POLQ: variants seen among roughly 807,000 people sequenced by gnomAD.
The protein encoded by POLQ is DNA polymerase theta.
Under a neutral mutation model 259.2 loss-of-function variants are expected in POLQ, and 233 were observed. The ratio of observed to expected loss-of-function variants is 0.90; its 90% CI spans 0.81 to 1.00. The LOEUF (loss-of-function observed/expected upper bound fraction) is 1.00. POLQ is among the 50% of genes least tolerant of loss of function. POLQ has a pLI of 0.00. For missense variants in POLQ, 2,871 were observed against 3,051.6 expected (o/e 0.94, Z 1.39); for synonymous variants, 1,025 against 1,048.8 (o/e 0.98, Z 0.44).
intron 3 of POLQ, 84 bp from the exon 4 acceptor site, chr3:121,539,673 A>T (rs2108821428): frequency 1.0e-6 from 1 of 985,920 alleles, no homozygotes; most frequent in Non-Finnish European, 1.6e-6. Flanking sequence ...GAACATAGAC[A>T]TAAGTATCTA....
intron 6 of POLQ, 71 bp from the exon 7 acceptor site, chr3:121,529,863 C>A: frequency 8.5e-7 from 1 of 1,183,176 alleles, no homozygotes; most frequent in Non-Finnish European, 1.2e-6. Context: ...TAAAAGCACT[C>A]ATTTTCCTTT....
chr3:121,459,317 T>C (rs1393787293), intron 25 of POLQ, among the ~76,000 whole-genome samples: 1 of 149,680 alleles, frequency 6.7e-6, no homozygotes, highest in Non-Finnish European at 1.5e-5. Flanking sequence ...CTATAAAAGA[T>C]ATAAAAATGA....
At chr3:121,451,938 G>T (rs1320044938) in intron 25 of POLQ, among the ~76,000 whole-genome samples, 3 of 152,254 alleles carry the variant, frequency 2.0e-5, no homozygotes, top group Admixed American at 1.3e-4. Flanking sequence ...GCTCCACCCA[G>T]TTCGAGCTTC....
In POLQ at chr3:121,493,482, T is replaced by C; in HGVS notation, c.2518A>G (p.Lys840Glu). The C allele has an allele frequency of 6.2e-7, 1 of 1,611,674 alleles. No homozygotes were observed. The highest frequency in any genetic ancestry group is 8.5e-7 in the Non-Finnish European group (1 of 1,178,212). Residue 840 changes from lysine (K) to glutamate (E), a missense_variant, in exon 15 of 30, where the codon AAA becomes GAA. This residue lies in a region of POLQ where 2,080 missense variants were observed against 2,126.0 expected (regional missense o/e 0.98). Transcript: ENST00000264233. ...EVILKNAVPF[K>E]SARKAVDEEE... Reference sequence around the variant, plus strand: ...TAGGTAAAGGTATTTTCTTACCTTTTGAAAGGCACAGCATTTTTCAGAATC... The same window carrying C: ...TAGGTAAAGGTATTTTCTTACCTTTCGAAAGGCACAGCATTTTTCAGAATC...
chr3:121,454,627 A>G (rs940528137), intron 25 of POLQ, among the ~76,000 whole-genome samples: 3 of 152,236 alleles, frequency 2.0e-5, no homozygotes, highest in Non-Finnish European at 4.4e-5. Flanking sequence ...AGATCAAAAG[A>G]GACAAAGAAG....
In POLQ at chr3:121,441,636, T is replaced by C. The variant is rs142411930; in HGVS notation, c.7265-1520A>G. Among the ~76,000 whole-genome samples, 229 of 152,344 alleles carry C rather than the reference T, an allele frequency of 1.5e-3. 1 individual carries two copies. Among genetic ancestry groups the C allele is most frequent in the African/African-American group, 5.4e-3 (223 of 41,568 alleles). ...AACAAAATTTGTTTATACATTTTCCTGTTGATAGACATGTGGCCTGTTCTC... is the reference window on the plus strand; with the variant it reads ...AACAAAATTTGTTTATACATTTTCCCGTTGATAGACATGTGGCCTGTTCTC... On this transcript the variant is annotated intron_variant, in intron 26 of 29. Coordinates refer to ENST00000264233, the MANE Select transcript of POLQ (RefSeq NM_199420.4).
At chr3:121,517,160 T>G (rs2048303544) in intron 9 of POLQ, among the ~76,000 whole-genome samples, 1 of 152,214 alleles carries the variant, frequency 6.6e-6, no homozygotes, top group Admixed American at 6.5e-5. Flanking sequence ...AATGGACTTA[T>G]ACTCCATTCC....
intron 12 of POLQ, among the ~76,000 whole-genome samples, chr3:121,500,089 T>C (rs1471275866): frequency 1.3e-5 from 2 of 152,076 alleles, no homozygotes; most frequent in South Asian, 2.1e-4. Context: ...GAGATCAGCA[T>C]GGGCAACATG....
At position 121,493,669 on chromosome 3, in the gene POLQ, T is replaced by C; in HGVS notation, c.2331A>G (p.Leu777=). Reference sequence around the variant, plus strand: ...TAAGACGCTTCTGAAATTGGGAAAGTAGTAGTTCCATGTTGTGCCAGCCCA... The same window carrying C: ...TAAGACGCTTCTGAAATTGGGAAAGCAGTAGTTCCATGTTGTGCCAGCCCA... ...NRLGWHNMEL[L]LSQFQKRLTF... is the part of the protein sequence containing the mutation. Residue 777 remains leucine, a synonymous_variant, in exon 15 of 30, where the codon CTA becomes CTG. Transcript: ENST00000264233. 2.5e-6 allele frequency: 4 copies of C among 1,613,826 alleles called. No homozygotes were observed. The highest frequency in any genetic ancestry group is 3.4e-6 in the Non-Finnish European group (4 of 1,179,682).
At chr3:121,437,979 A>C (rs1229210202) in intron 27 of POLQ, among the ~76,000 whole-genome samples, 2 of 152,188 alleles carry the variant, frequency 1.3e-5, no homozygotes, top group Non-Finnish European at 2.9e-5. Context: ...ATTTCTGGGA[A>C]GGCGATGGGT....
rs113531606 is a variant in POLQ at position 121,488,494 on chromosome 3, A to G, written c.4437T>C (p.Pro1479=). ...TATCACTCATATTCAAACTTGTTTC[A>G]GGAACTGGAAGACATTCTCCTTCTA... ...TGVEGECLPV[P]ETSLNMSDSL... is the part of the protein sequence containing the mutation. Residue 1479 remains proline (P), a synonymous_variant, in exon 16 of 30, where the codon CCT becomes CCC. Coordinates refer to ENST00000264233, the MANE Select transcript of POLQ (RefSeq NM_199420.4). The G allele has an allele frequency of 1.2e-6, 2 of 1,608,218 alleles. No homozygotes were observed. Among genetic ancestry groups the G allele is most frequent in the South Asian group, 2.2e-5 (2 of 89,492 alleles).
intron 9 of POLQ, among the ~76,000 whole-genome samples, chr3:121,516,880 C>T (rs1254255321): frequency 6.6e-6 from 1 of 152,148 alleles, no homozygotes; most frequent in Non-Finnish European, 1.5e-5. Flanking sequence ...TCCTGAAATA[C>T]AATGATATGC....
At chr3:121,458,889 C>T (rs1461370909) in intron 25 of POLQ, among the ~76,000 whole-genome samples, 1 of 152,020 alleles carries the variant, frequency 6.6e-6, no homozygotes, top group Non-Finnish European at 1.5e-5. Flanking sequence ...CACCTCTCCA[C>T]ACACACACAC....
At position 121,488,820 on chromosome 3, in the gene POLQ, A is replaced by T; in HGVS notation, c.4111T>A (p.Cys1371Ser). 6.2e-7 allele frequency: 1 copy of T among 1,613,642 alleles called. No homozygotes were observed. Among genetic ancestry groups the T allele is most frequent in the Admixed American group, 1.7e-5 (1 of 59,972 alleles). The stretch of plus-strand genomic sequence containing the variant: ...TGTTCAGCAGGAAAAGGAATGTGAC[A>T]CTCCTTCTGAAAAGAGTTCATTGAG... ...QNSMNSFQKE[C>S]HIPFPAEQHP... The change falls in exon 16 of 30, where the codon TGT (cysteine) becomes AGT (serine). Residue 1371 changes from cysteine to serine, a missense_variant. By Grantham distance (112) the Cys-to-Ser change is moderately radical. This residue lies in a region of POLQ where 2,080 missense variants were observed against 2,126.0 expected (regional missense o/e 0.98). Coordinates refer to ENST00000264233, the MANE Select transcript of POLQ (RefSeq NM_199420.4).
rs142586869 is a variant in POLQ at position 121,507,996 on chromosome 3, G to A, written c.1959+1565C>T. Among the ~76,000 whole-genome samples the A allele has an allele frequency of 9.2e-3, 1,386 of 150,020 alleles. 18 individuals are homozygous for A. The highest frequency in any genetic ancestry group is 0.032 in the African/African-American group (1,309 of 40,848). On this transcript the variant is annotated intron_variant, in intron 12 of 29. Transcript: ENST00000264233. ...AGCCTTCCAAGTAGCTGGGATTACCGGCATGCACCACCATACACAATTTTT... is the reference window on the plus strand; with the variant it reads ...AGCCTTCCAAGTAGCTGGGATTACCAGCATGCACCACCATACACAATTTTT...
In POLQ at chr3:121,460,162, C is replaced by G. The variant is rs143352658; in HGVS notation, c.7040G>C (p.Arg2347Pro). 1.1e-5 allele frequency: 18 copies of G among 1,612,938 alleles called. No individual in the cohort carries two copies. Among genetic ancestry groups the G allele is most frequent in the African/African-American group, 4.0e-5 (3 of 74,862 alleles). Reference protein sequence around the residue: ...RILAHLSHDRRLIQVLNTGAD... With the variant: ...RILAHLSHDRPLIQVLNTGAD... ...TCCAGTGTTTAACACTTGAATGAGACGACGATCATGGGATAAATGAGCCAA... is the reference window on the plus strand; with the variant it reads ...TCCAGTGTTTAACACTTGAATGAGAGGACGATCATGGGATAAATGAGCCAA... The change falls in exon 25 of 30, where the codon CGT (arginine) becomes CCT (proline). Residue 2347 changes from arginine to proline, a missense_variant. Physicochemically the swap from Arg to Pro is moderately radical, Grantham distance 103 (BLOSUM62 -2). This residue lies in a region of POLQ where 2,080 missense variants were observed against 2,126.0 expected (regional missense o/e 0.98). Coordinates refer to ENST00000264233, the MANE Select transcript of POLQ (RefSeq NM_199420.4).
chr3:121,483,536 A>T lies in POLQ; in HGVS notation c.5820T>A (p.Thr1940=), dbSNP rs1007829670. The change falls in exon 18 of 30, where the codon ACT becomes ACA. Residue 1940 remains threonine (T), a synonymous_variant. Coordinates refer to ENST00000264233, the MANE Select transcript of POLQ (RefSeq NM_199420.4). The part of the protein sequence containing the change: ...LVPPSLDPSL[T]LKDRMWYLQS... ...GAAGGTACCACATCCTGTCTTTCAAAGTCAGGCTTGGATCTAAAGAAGGTG... is the reference window on the plus strand; with the variant it reads ...GAAGGTACCACATCCTGTCTTTCAATGTCAGGCTTGGATCTAAAGAAGGTG... The T allele has an allele frequency of 6.3e-7, 1 of 1,591,396 alleles. No homozygotes were observed. The highest frequency in any genetic ancestry group is 1.4e-5 in the African/African-American group (1 of 73,742).
chr3:121,523,432 C>G (rs1281133630), intron 7 of POLQ, among the ~76,000 whole-genome samples: 2 of 152,118 alleles, frequency 1.3e-5, no homozygotes, highest in Middle Eastern at 6.3e-3. Context: ...AAATATATGG[C>G]TGGGCACGGT....
chr3:121,518,194 C>T (rs535069383), intron 9 of POLQ, among the ~76,000 whole-genome samples: 5 of 152,292 alleles, frequency 3.3e-5, no homozygotes, highest in Middle Eastern at 3.4e-3. Flanking sequence ...TGAGCTCCAG[C>T]CAACAGCATT....
Sources: gnomAD v4.1 joint callset for allele counts (sites outside exome capture counted in the v4.1 genomes callset) on GRCh38, gnomAD v4.1.1 for gene constraint, gnomAD v4.1.1 regional missense constraint, MANE v1.5 for transcripts, NCBI Gene and HGNC (gene_info 2026-07-23, HGNC 2026-07-21) for gene names.